Variants in ANAPC1 observed in about 807,000 individuals in gnomAD.
The protein encoded by ANAPC1 is anaphase-promoting complex subunit 1.
Under a neutral mutation model 208.0 loss-of-function variants are expected in ANAPC1, and 36 were observed. The observed-to-expected ratio is 0.17, with a 90% CI of 0.13 to 0.23. ANAPC1 has a LOEUF of 0.23. Among genes scored for constraint, ANAPC1 ranks in the 10% least tolerant of loss-of-function variants. The pLI, the probability that ANAPC1 is intolerant of heterozygous loss-of-function variation, is 1.00. For synonymous variants in ANAPC1, 378 were observed against 695.2 expected (o/e 0.54, Z 7.18); for missense variants, 942 against 2,011.6 (o/e 0.47, Z 10.17).
rs1249418564 is a variant in ANAPC1, at chr2:111,836,741, G to A, written c.2115+1697C>T. ...CTCAGCACTTTGGGAGGCCAACATGGGCAGATTATTGAGGCCAGGAGTTTG... is the reference window on the plus strand; with the variant it reads ...CTCAGCACTTTGGGAGGCCAACATGAGCAGATTATTGAGGCCAGGAGTTTG... On this transcript the variant is annotated intron_variant, in intron 18 of 47. Transcript: ENST00000341068. 3.9e-5 allele frequency among the ~76,000 whole-genome samples: 6 copies of A among 152,038 alleles called. No individual in the cohort carries two copies. The South Asian group carries it at 8.3e-4, about 21-fold the overall frequency.
At chr2:111,871,459 T>A (rs1014298220) in intron 6 of ANAPC1, among the ~76,000 whole-genome samples, 1 of 152,114 alleles carries the variant, frequency 6.6e-6, no homozygotes, top group Non-Finnish European at 1.5e-5. Flanking sequence ...ATAAAAGGGA[T>A]TGAATTTTTG....
intron 7 of ANAPC1, 45 bp downstream of exon 7, chr2:111,867,978 C>CAAA: frequency 8.8e-7 from 1 of 1,132,960 alleles, no homozygotes; most frequent in Non-Finnish European, 1.2e-6. Flanking sequence ...TCACCAAAGT[C>CAAA]AAAAAAAAAA....
Position 111,834,816 on chromosome 2 carries a change from C to G in ANAPC1, c.2172G>C (p.Leu724Phe). The G allele has an allele frequency of 6.2e-7, 1 of 1,610,096 alleles. No individual in the cohort carries two copies. The highest frequency in any genetic ancestry group is 8.5e-7 in the Non-Finnish European group (1 of 1,178,796). Reference protein sequence around the residue: ...DYHQNVESHLLNRSLCLSPSE... With the variant: ...DYHQNVESHLFNRSLCLSPSE... ...AAGGACTCAGACATAAAGATCTGTT[C>G]AAAAGATGAGACTCAACATTCTGGT... The change falls in exon 19 of 48, where the codon TTG becomes TTC. Residue 724 changes from leucine (L) to phenylalanine (F), a missense_variant. Physicochemically the swap from Leu to Phe is conservative, Grantham distance 22 (BLOSUM62 0). Transcript: ENST00000341068.
rs1405209006 is a variant in ANAPC1, at chr2:111,840,288, T to C, written c.2041-1776A>G. Among the ~76,000 whole-genome samples, 14 of 152,164 alleles carry C rather than the reference T, an allele frequency of 9.2e-5. No homozygotes were observed. In the East Asian group the frequency reaches 2.7e-3, roughly 29 times the overall value. The stretch of plus-strand genomic sequence containing the variant: ...CATATGTGAAAACAAAAAGAATAAA[T>C]CTGAACAAAGCAAAATGAAAACCAT... On this transcript the variant is annotated intron_variant, in intron 17 of 47. Coordinates refer to ENST00000341068, the MANE Select transcript of ANAPC1 (RefSeq NM_022662.4).
At chr2:111,825,085 T>C (rs2104441426) in intron 23 of ANAPC1, 46 bp downstream of exon 23, 4 of 1,613,862 alleles carry the variant, frequency 2.5e-6, no homozygotes, top group East Asian at 2.2e-5. Flanking sequence ...GTAAATAATA[T>C]TGTTTTAAGT....
chr2:111,843,641 T>A (rs755406667), intron 16 of ANAPC1, 42 bp from the exon 17 acceptor site: 2 of 1,505,662 alleles, frequency 1.3e-6, no homozygotes, highest in Non-Finnish European at 1.8e-6. Flanking sequence ...TTACTCTGCA[T>A]GCATTTCTTT....
At chr2:111,824,292 A>G (rs1160381351) in intron 24 of ANAPC1, among the ~76,000 whole-genome samples, 1 of 148,374 alleles carries the variant, frequency 6.7e-6, no homozygotes, top group Non-Finnish European at 1.5e-5. Context: ...CATACTTTAG[A>G]TAAGACTTCA....
chr2:111,855,925 T>C (rs1311021931), intron 13 of ANAPC1, among the ~76,000 whole-genome samples: 2 of 152,200 alleles, frequency 1.3e-5, no homozygotes, highest in African/African-American at 2.4e-5. Context: ...TCTACGTACA[T>C]TTCACAAATG....
chr2:111,856,762 G>A (rs372818948), intron 12 of ANAPC1, 34 bp downstream of exon 12: 166 of 1,612,698 alleles, frequency 1.0e-4, no homozygotes, highest in Non-Finnish European at 1.3e-4. Context: ...CTGTTGAAGC[G>A]TAATTGTCAA....
intron 44 of ANAPC1, chr2:111,779,656 G>A (rs1251935535): frequency 6.5e-6 from 1 of 154,296 alleles, no homozygotes; most frequent in Admixed American, 6.4e-5. Flanking sequence ...GGGCAATATA[G>A]TGAGACTCCA....
intron 37 of ANAPC1, among the ~76,000 whole-genome samples, chr2:111,792,892 G>A (rs1316713895): frequency 1.3e-5 from 2 of 152,126 alleles, no homozygotes; most frequent in Non-Finnish European, 1.5e-5. Flanking sequence ...TGCGGAGCTC[G>A]CAGTGAGCCG....
chr2:111,800,440 CG>C (rs1161843146), intron 34 of ANAPC1, among the ~76,000 whole-genome samples: 2 of 133,930 alleles, frequency 1.5e-5, no homozygotes, highest in African/African-American at 5.8e-5. Flanking sequence ...AAAATTGTCA[CG>C]AAGTAAAATA....
chr2:111,852,475 C>A (rs191101175), intron 13 of ANAPC1, among the ~76,000 whole-genome samples: 1 of 152,302 alleles, frequency 6.6e-6, no homozygotes, highest in Non-Finnish European at 1.5e-5. Flanking sequence ...TTTGCAAACA[C>A]CAAGAAAAAA....
At chr2:111,833,141 T>C in intron 20 of ANAPC1, 79 bp downstream of exon 20, 3 of 1,489,104 alleles carry the variant, frequency 2.0e-6, no homozygotes, top group Middle Eastern at 2.4e-4. Context: ...AAGAAATACA[T>C]CCTCTGCTAT....
intron 35 of ANAPC1, among the ~76,000 whole-genome samples, 195 bp from the exon 36 acceptor site, chr2:111,794,518 C>G (rs561922276): frequency 2.0e-4 from 31 of 151,834 alleles, no homozygotes; most frequent in African/African-American, 7.5e-4. Flanking sequence ...TGAAGTTTGC[C>G]CCTTGCCTAC....
chr2:111,851,158 AG>A (rs1305632454), intron 13 of ANAPC1, among the ~76,000 whole-genome samples: 6 of 151,634 alleles, frequency 4.0e-5, no homozygotes, highest in African/African-American at 1.2e-4. Context: ...GGTGGAGTAC[AG>A]TGGCATGATC....
intron 17 of ANAPC1, among the ~76,000 whole-genome samples, chr2:111,839,667 A>T (rs1680656156): frequency 6.6e-6 from 1 of 152,228 alleles, no homozygotes; most frequent in Non-Finnish European, 1.5e-5. Flanking sequence ...TATATATTAT[A>T]AAAAACCTGG....
At chr2:111,840,827 G>A (rs1680722140) in intron 17 of ANAPC1, among the ~76,000 whole-genome samples, 1 of 152,200 alleles carries the variant, frequency 6.6e-6, no homozygotes, top group Non-Finnish European at 1.5e-5. Context: ...AGGATCACTT[G>A]AGCTCAGGAG....
intron 21 of ANAPC1, among the ~76,000 whole-genome samples, chr2:111,828,352 T>A (rs1195399571): frequency 6.6e-6 from 1 of 152,232 alleles, no homozygotes; most frequent in Non-Finnish European, 1.5e-5. Flanking sequence ...TGTAAAATGG[T>A]ATAGCCACTA....
Sources: allele counts gnomAD v4.1 joint callset (sites outside exome capture counted in the v4.1 genomes callset), GRCh38; gene constraint gnomAD v4.1.1; transcripts MANE v1.5; gene names NCBI Gene and HGNC (gene_info 2026-07-23, HGNC 2026-07-21).